PIK3C2G: variants seen among roughly 807,000 people sequenced by gnomAD.
PIK3C2G encodes the protein phosphatidylinositol 3-kinase C2 domain-containing subunit gamma.
Under a neutral mutation model 181.1 loss-of-function variants are expected in PIK3C2G, and 168 were observed. That is an observed-to-expected ratio of 0.93 (90% confidence interval 0.82 to 1.05). The LOEUF (loss-of-function observed/expected upper bound fraction) is 1.05, where lower values mean the gene tolerates loss of function less well. Ranked by LOEUF, PIK3C2G falls within the 50% of genes least tolerant of loss-of-function variation. PIK3C2G has a pLI of 0.00. For synonymous variants in PIK3C2G, 573 were observed against 592.2 expected, an observed-to-expected ratio of 0.97 and a Z score of 0.47; for missense variants, 1,869 against 1,732.8, an observed-to-expected ratio of 1.08 and a Z score of -1.40.
intron 5 of PIK3C2G, among the ~76,000 whole-genome samples, chr12:18,298,629 T>G (rs1820933373): frequency 6.6e-6 from 1 of 151,900 alleles, no homozygotes; most frequent in Non-Finnish European, 1.5e-5. Flanking sequence ...CCTACACCAA[T>G]GTTCTGGAAC....
chr12:18,447,151 C>T lies in PIK3C2G; in HGVS notation c.2504+23112C>T, dbSNP rs557766586. Among the ~76,000 whole-genome samples the T allele has an allele frequency of 5.9e-5, 9 of 152,208 alleles. No homozygotes were observed. In the South Asian group the frequency reaches 1.0e-3, roughly 18 times the overall value. ...ATAGTCATGTTACCCCTATTTGGTT[C>T]GTGTGTTAGATGATCACTTTTTACT... On this transcript the variant is annotated intron_variant, in intron 18 of 32. Coordinates refer to ENST00000538779, the MANE Select transcript of PIK3C2G (RefSeq NM_001288772.2).
In PIK3C2G at chr12:18,477,846, G is replaced by A. The variant is rs527656860; in HGVS notation, c.2505-10603G>A. On this transcript the variant is annotated intron_variant, in intron 18 of 32. Coordinates refer to ENST00000538779, the MANE Select transcript of PIK3C2G (RefSeq NM_001288772.2). ...AACTAGGTATTTCAAAGCCAGCTTC[G>A]CCTTGCACCTATAAACCTGCCTCTC... 1.7e-4 allele frequency among the ~76,000 whole-genome samples: 26 copies of A among 152,254 alleles called. No homozygotes were observed. In the South Asian group the frequency reaches 4.3e-3, roughly 25 times the overall value.
intron 18 of PIK3C2G, among the ~76,000 whole-genome samples, chr12:18,458,266 G>C (rs1947735512): frequency 6.6e-6 from 1 of 152,152 alleles, no homozygotes; most frequent in Non-Finnish European, 1.5e-5. Flanking sequence ...AGAAATGTTA[G>C]TGTGAAGCAA....
intron 1 of PIK3C2G, among the ~76,000 whole-genome samples, chr12:18,276,080 G>C (rs1318283057): frequency 6.6e-6 from 1 of 152,148 alleles, no homozygotes; most frequent in African/African-American, 2.4e-5. Flanking sequence ...TACATCTTCT[G>C]ATCAGTAAGC....
intron 31 of PIK3C2G, among the ~76,000 whole-genome samples, chr12:18,612,047 A>T (rs1565561810): frequency 6.6e-6 from 1 of 152,006 alleles, no homozygotes; most frequent in Non-Finnish European, 1.5e-5. Context: ...CTTGTTAATG[A>T]CCTGTGAGAC....
At chr12:18,440,626 A>G (rs1385838374) in intron 18 of PIK3C2G, among the ~76,000 whole-genome samples, 1 of 152,082 alleles carries the variant, frequency 6.6e-6, no homozygotes, top group Non-Finnish European at 1.5e-5. Context: ...TAAGGTGTCT[A>G]TTTGGGGTGT....
At chr12:18,622,035 A>G (rs1742559895) in intron 31 of PIK3C2G, among the ~76,000 whole-genome samples, 1 of 151,958 alleles carries the variant, frequency 6.6e-6, no homozygotes, top group Admixed American at 6.6e-5. Flanking sequence ...ATTAACATAT[A>G]TCACCTCAAA....
chr12:18,499,224 T>C (rs1040114434), intron 22 of PIK3C2G, among the ~76,000 whole-genome samples: 4 of 152,198 alleles, frequency 2.6e-5, no homozygotes, highest in Admixed American at 1.3e-4. Flanking sequence ...CAACCTTCAA[T>C]AGCTGTAAGA....
the PIK3C2G span, among the ~76,000 whole-genome samples, chr12:18,717,477 G>A: frequency 6.6e-6 from 1 of 152,082 alleles, no homozygotes. Context: ...TAATCATTTG[G>A]TTTTAAATAT....
intron 25 of PIK3C2G, among the ~76,000 whole-genome samples, chr12:18,539,738 A>G (rs1258121053): frequency 1.3e-5 from 2 of 151,998 alleles, no homozygotes; most frequent in East Asian, 3.9e-4. Flanking sequence ...CAAACAACAT[A>G]TTCACCTTAC....
At chr12:18,537,655 C>T (rs989260478) in intron 24 of PIK3C2G, among the ~76,000 whole-genome samples, 5 of 151,870 alleles carry the variant, frequency 3.3e-5, no homozygotes, top group African/African-American at 9.7e-5. Context: ...CTTTTTTCTC[C>T]TTCACTAAGC....
chr12:18,626,438 C>T (rs1011952902), intron 31 of PIK3C2G, among the ~76,000 whole-genome samples: 10 of 152,036 alleles, frequency 6.6e-5, no homozygotes, highest in African/African-American at 2.2e-4. Flanking sequence ...GATAATATTA[C>T]TTTACACACC....
At chr12:18,548,352 C>T (rs1453181748) in intron 26 of PIK3C2G, among the ~76,000 whole-genome samples, 1 of 152,042 alleles carries the variant, frequency 6.6e-6, no homozygotes, top group Admixed American at 6.6e-5. Context: ...CTGTAGCTTA[C>T]TATTAGTCCC....
In PIK3C2G at chr12:18,626,776, G is replaced by T. The variant is rs1031178183; in HGVS notation, c.4183-13653G>T. On this transcript the variant is annotated intron_variant, in intron 31 of 32. Transcript: ENST00000538779. ...CTGAAGGGTTTCTGCTAAGAAGTTT[G>T]CTGGTAGTTGTATTGGGACTCCTTT... is the stretch of plus-strand genomic sequence containing the variant. Among the ~76,000 whole-genome samples the T allele has an allele frequency of 2.0e-5, 3 of 151,906 alleles. No individual in the cohort carries two copies. In the East Asian group the frequency reaches 5.8e-4, roughly 29 times the overall value.
chr12:18,386,949 G>A (rs1031210152), intron 14 of PIK3C2G, among the ~76,000 whole-genome samples: 5 of 152,062 alleles, frequency 3.3e-5, no homozygotes, highest in Admixed American at 1.3e-4. Context: ...TCAAGCTTCA[G>A]ACAAATATAG....
At chr12:18,286,469 G>T (rs2045453509) in intron 2 of PIK3C2G, among the ~76,000 whole-genome samples, 1 of 151,958 alleles carries the variant, frequency 6.6e-6, no homozygotes, top group Non-Finnish European at 1.5e-5. Flanking sequence ...TTTAAAACAT[G>T]TGTATCATTA....
chr12:18,573,772 T>C (rs1007380309), intron 29 of PIK3C2G, among the ~76,000 whole-genome samples: 1 of 152,134 alleles, frequency 6.6e-6, no homozygotes, highest in Non-Finnish European at 1.5e-5. Context: ...TGCTTCTCCG[T>C]CTCTTTCTTG....
At chr12:18,627,504 C>T (rs1290353976) in intron 31 of PIK3C2G, among the ~76,000 whole-genome samples, 1 of 152,024 alleles carries the variant, frequency 6.6e-6, no homozygotes, top group Non-Finnish European at 1.5e-5. Flanking sequence ...CTTTTCTGGC[C>T]TTTACAAGTG....
downstream of PIK3C2G, among the ~76,000 whole-genome samples, chr12:18,650,702 G>GTATATATC (rs1950442587): frequency 7.2e-5 from 2 of 27,694 alleles, no homozygotes; most frequent in Non-Finnish European, 2.3e-4. Flanking sequence ...GTGTGTGTGT[G>GTATATATC]TGTATATATC....
Sources: gnomAD v4.1 joint callset for allele counts (sites outside exome capture counted in the v4.1 genomes callset) on GRCh38, gnomAD v4.1.1 for gene constraint, MANE v1.5 for transcripts, NCBI Gene and HGNC (gene_info 2026-07-23, HGNC 2026-07-21) for gene names.